The following TSNARE1 variants were observed in gnomAD, a reference collection of about 807,000 sequenced individuals.
TSNARE1 encodes the protein t-SNARE domain containing 1, also known as t-SNARE domain-containing protein 1.
A neutral mutation model predicts 62.0 loss-of-function variants in TSNARE1; 49 were observed. That is an observed-to-expected ratio of 0.79 (90% CI 0.63 to 1.00). The LOEUF is 1.00. TSNARE1 is among the 50% of genes least tolerant of loss of function. The pLI, the probability that TSNARE1 is intolerant of heterozygous loss-of-function variation, is 0.00. For synonymous variants in TSNARE1, 328 were observed against 294.4 expected (o/e 1.11, Z -1.17); for missense variants, 755 against 700.1 (o/e 1.08, Z -0.88).
intron 1 of TSNARE1, among the ~76,000 whole-genome samples, chr8:142,379,415 G>A (rs182145290): frequency 1.1e-4 from 16 of 152,340 alleles, no homozygotes; most frequent in Middle Eastern, 3.4e-3. Flanking sequence ...CACGCTGGCC[G>A]AGGGGCTACG....
intron 13 of TSNARE1, among the ~76,000 whole-genome samples, chr8:142,223,768 G>T (rs1816648186): frequency 6.6e-6 from 1 of 152,230 alleles, no homozygotes; most frequent in South Asian, 2.1e-4. Context: ...AGGTGCTTCT[G>T]CAGGTGCAGG....
rs1825604430 is a variant in TSNARE1 at position 142,300,777 on chromosome 8, T to TGAGGCGACGATCTGGGTCC, written c.1132-134_1132-133insGGACCCAGATCGTCGCCTC. On this transcript the variant is annotated intron_variant, in intron 9 of 13. Transcript: ENST00000524325. Reference sequence around the variant, plus strand: ...GCTCTCTGAGGGGACGATCTGGGTCTGAGGCGGGGGCCTTCTGCGGCCACG... The same window carrying TGAGGCGACGATCTGGGTCC: ...GCTCTCTGAGGGGACGATCTGGGTCTGAGGCGACGATCTGGGTCCGAGGCGGGGGCCTTCTGCGGCCACG... The TGAGGCGACGATCTGGGTCC allele has an allele frequency of 8.5e-6, 10 of 1,177,132 alleles. No individual in the cohort carries two copies. In the South Asian group the frequency reaches 1.4e-4, roughly 17 times the overall value. 72.9% of individuals were successfully genotyped at this position (1,177,132 alleles called of 1,614,324 possible). A position where few individuals can be genotyped will look rare whatever the true frequency, so the allele number is the denominator to read the frequency against.
intron 4 of TSNARE1, among the ~76,000 whole-genome samples, chr8:142,342,782 A>G (rs1199544060): frequency 6.6e-6 from 1 of 151,048 alleles, no homozygotes; most frequent in Non-Finnish European, 1.5e-5. Context: ...CCACCACAGC[A>G]GGAGCTCAGA....
chr8:142,397,879 G>A (rs1324550813), intron 1 of TSNARE1, among the ~76,000 whole-genome samples: 1 of 152,090 alleles, frequency 6.6e-6, no homozygotes, highest in Admixed American at 6.5e-5. Context: ...GCCCCTGCAG[G>A]CTCCAGACAC....
intron 4 of TSNARE1, among the ~76,000 whole-genome samples, chr8:142,343,610 G>A (rs768497341): frequency 6.6e-6 from 1 of 151,720 alleles, no homozygotes; most frequent in Non-Finnish European, 1.5e-5. Flanking sequence ...CAAGCAGGGA[G>A]ACAAAATTTA....
At chr8:142,326,227 G>C (rs113968815) in intron 6 of TSNARE1, 14 of 150,586 alleles carry the variant, frequency 9.3e-5, no homozygotes, top group African/African-American at 1.8e-4. Context: ...GCCCTGGAGA[G>C]CATGAGACGG....
chr8:142,271,331 A>C (rs1819516443), intron 12 of TSNARE1: 1 of 1,156,572 alleles, frequency 8.6e-7, no homozygotes, highest in Admixed American at 4.7e-5. Flanking sequence ...CCGCTGCAGC[A>C]GCAGGTTTTG....
chr8:142,371,719 T>C (rs1485134628), intron 1 of TSNARE1, among the ~76,000 whole-genome samples: 1 of 152,142 alleles, frequency 6.6e-6, no homozygotes, highest in Non-Finnish European at 1.5e-5. Flanking sequence ...TCAGGCTGTA[T>C]ACTTAAGGTA....
intron 1 of TSNARE1, among the ~76,000 whole-genome samples, chr8:142,356,607 C>A (rs1834762412): frequency 6.6e-6 from 1 of 152,168 alleles, no homozygotes; most frequent in Non-Finnish European, 1.5e-5. Context: ...CAGACACTAT[C>A]CAGAGAGAAA....
intron 12 of TSNARE1, among the ~76,000 whole-genome samples, chr8:142,239,293 C>G (rs1453566224): frequency 6.6e-6 from 1 of 152,186 alleles, no homozygotes; most frequent in Non-Finnish European, 1.5e-5. Context: ...CCGGGGGCAG[C>G]CACGCCCTTT....
intron 2 of TSNARE1, among the ~76,000 whole-genome samples, chr8:142,350,748 C>T (rs1833992314): frequency 6.6e-6 from 1 of 152,206 alleles, no homozygotes; most frequent in Non-Finnish European, 1.5e-5. Flanking sequence ...GGTTTAGCAA[C>T]ATGGCTGGAC....
chr8:142,305,494 C>A (rs748996552), intron 9 of TSNARE1, among the ~76,000 whole-genome samples: 1 of 152,098 alleles, frequency 6.6e-6, no homozygotes, highest in African/African-American at 2.4e-5. Context: ...GGCTGGGGTG[C>A]GGGCCAGAGG....
At chr8:142,358,992 C>A (rs1834954748) in intron 1 of TSNARE1, among the ~76,000 whole-genome samples, 1 of 152,090 alleles carries the variant, frequency 6.6e-6, no homozygotes. Context: ...CCCTGTCCTG[C>A]CCCAGCCTCA....
intron 12 of TSNARE1, chr8:142,272,981 C>T (rs1010368924): frequency 1.2e-5 from 12 of 985,340 alleles, no homozygotes; most frequent in Non-Finnish European, 3.6e-6. Flanking sequence ...CCTGGTGGAC[C>T]CCCTCGGGAA....
rs1821750515 is a variant in TSNARE1 at position 142,282,565 on chromosome 8, G to GTCAATGAGCAGAGGTGGGGCCACTGTCTA, written c.1363+1847_1363+1848insTAGACAGTGGCCCCACCTCTGCTCATTGA. 2.7e-5 allele frequency among the ~76,000 whole-genome samples: 4 copies of GTCAATGAGCAGAGGTGGGGCCACTGTCTA among 150,906 alleles called. 1 individual carries two copies. The highest frequency in any genetic ancestry group is 9.7e-5 in the African/African-American group (4 of 41,112). On this transcript the variant is annotated intron_variant, in intron 11 of 13. Transcript: ENST00000524325. ...ATGAGCAGAGGCGGGACCAGTGTCTGTCAATGAGCGGAGGTGGGGCCAGTG... is the reference window on the plus strand; with the variant it reads ...ATGAGCAGAGGCGGGACCAGTGTCTGTCAATGAGCAGAGGTGGGGCCACTGTCTATCAATGAGCGGAGGTGGGGCCAGTG...
intron 6 of TSNARE1, among the ~76,000 whole-genome samples, chr8:142,323,407 G>C (rs1225142328): frequency 2.0e-5 from 3 of 152,236 alleles, no homozygotes; most frequent in African/African-American, 7.2e-5. Flanking sequence ...TGGGTCTCCA[G>C]AGTGGACAGT....
chr8:142,281,167 G>C (rs1563818134), intron 11 of TSNARE1, among the ~76,000 whole-genome samples: 1 of 152,142 alleles, frequency 6.6e-6, no homozygotes, highest in Non-Finnish European at 1.5e-5. Context: ...GAGAATGAGT[G>C]GGTGGGGTGG....
At chr8:142,329,841 A>T (rs972124834) in intron 6 of TSNARE1, among the ~76,000 whole-genome samples, 8 of 151,638 alleles carry the variant, frequency 5.3e-5, no homozygotes, top group Non-Finnish European at 1.2e-4. Context: ...AAAAGAGCTT[A>T]AAAAAAAAGG....
intron 9 of TSNARE1, among the ~76,000 whole-genome samples, chr8:142,300,974 T>C (rs887260491): frequency 1.2e-5 from 1 of 81,348 alleles, no homozygotes; most frequent in Admixed American, 1.2e-4. Flanking sequence ...GAAGGGTCCA[T>C]GCTGCGGCCG....
Sources: allele counts gnomAD v4.1 joint callset (sites outside exome capture counted in the v4.1 genomes callset), GRCh38; gene constraint gnomAD v4.1.1; transcripts MANE v1.5; gene names NCBI Gene and HGNC (gene_info 2026-07-23, HGNC 2026-07-21).